Variants in ATP11A observed in about 807,000 individuals in gnomAD.
ATP11A encodes the protein ATPase phospholipid transporting 11A, also known as phospholipid-transporting ATPase IH.
In ATP11A, 81 loss-of-function variants were observed where a neutral mutation model predicts 154.4. The ratio of observed to expected loss-of-function variants is 0.52; its 90% CI spans 0.44 to 0.63. ATP11A has a LOEUF of 0.63. Ranked by LOEUF, ATP11A falls within the 30% of genes least tolerant of loss-of-function variation. The pLI is 0.00. For synonymous variants in ATP11A, 623 were observed against 585.9 expected, an observed-to-expected ratio of 1.06 and a Z score of -0.91; for missense variants, 1,316 against 1,474.3, an observed-to-expected ratio of 0.89 and a Z score of 1.76.
intron 1 of ATP11A, among the ~76,000 whole-genome samples, chr13:112,758,822 T>A (rs1302335471): frequency 6.6e-6 from 1 of 152,232 alleles, no homozygotes; most frequent in Non-Finnish European, 1.5e-5. Context: ...CCTGCACAGT[T>A]ACATTATCTC....
chr13:112,814,384 G>A (rs1332907307), intron 5 of ATP11A, among the ~76,000 whole-genome samples: 7 of 151,670 alleles, frequency 4.6e-5, no homozygotes, highest in Admixed American at 1.3e-4. Context: ...TTTCTTTTGA[G>A]GACTGTACGT....
chr13:112,817,166 G>A (rs977664160), intron 6 of ATP11A, among the ~76,000 whole-genome samples: 3 of 152,200 alleles, frequency 2.0e-5, no homozygotes, highest in Admixed American at 6.5e-5. Flanking sequence ...TTTCTAAGGA[G>A]TTTATGAAAG....
intron 1 of ATP11A, among the ~76,000 whole-genome samples, chr13:112,711,020 C>T (rs978566674): frequency 1.6e-5 from 2 of 125,628 alleles, no homozygotes; most frequent in African/African-American, 2.8e-5. Flanking sequence ...CTCAAAGTGC[C>T]GGGGTCAGAG....
At position 112,818,131 on chromosome 13, in the gene ATP11A, G is replaced by A. The variant is rs562405752; in HGVS notation, c.571-1173G>A. Among the ~76,000 whole-genome samples, 6 of 151,790 alleles carry A rather than the reference G, an allele frequency of 4.0e-5. No individual in the cohort carries two copies. In the South Asian group the frequency reaches 6.3e-4, roughly 16 times the overall value. Reference sequence around the variant, plus strand: ...GTGACGGAACAGTGACCGTTTGTGCGCTTGGTGACACGGCGGTGACCGTGT... The same window carrying A: ...GTGACGGAACAGTGACCGTTTGTGCACTTGGTGACACGGCGGTGACCGTGT... On this transcript the variant is annotated intron_variant, in intron 6 of 29. Coordinates refer to ENST00000375645, the MANE Select transcript of ATP11A (RefSeq NM_015205.3).
At chr13:112,787,266 G>A (rs372552502) in intron 2 of ATP11A, among the ~76,000 whole-genome samples, 105 of 126,658 alleles carry the variant, frequency 8.3e-4, no homozygotes, top group East Asian at 7.5e-3. Context: ...GTCCTGATGC[G>A]TAGACTCCTG....
At chr13:112,848,359 T>A (rs1165628222) in intron 17 of ATP11A, among the ~76,000 whole-genome samples, 1 of 152,220 alleles carries the variant, frequency 6.6e-6, no homozygotes, top group Non-Finnish European at 1.5e-5. Context: ...TTAATTTCCT[T>A]TTCATATTGT....
chr13:112,816,592 C>A (rs1474225427), intron 6 of ATP11A, among the ~76,000 whole-genome samples: 1 of 152,132 alleles, frequency 6.6e-6, no homozygotes, highest in Non-Finnish European at 1.5e-5. Context: ...CTGAGCCCAG[C>A]ACGCTCTTGT....
At chr13:112,775,714 C>CA (rs2065808250) in intron 1 of ATP11A, among the ~76,000 whole-genome samples, 1 of 151,798 alleles carries the variant, frequency 6.6e-6, no homozygotes, top group South Asian at 2.1e-4. Flanking sequence ...TTCATAATGC[C>CA]CCCCCCGCCT....
chr13:112,859,961 C>T lies in ATP11A; in HGVS notation c.2728-326C>T, dbSNP rs1447865997. 1.3e-5 allele frequency among the ~76,000 whole-genome samples: 2 copies of T among 152,260 alleles called. No homozygotes were observed. Among genetic ancestry groups the T allele is most frequent in the African/African-American group, 4.8e-5 (2 of 41,548 alleles). ...CAGTGGTTGGCGGGCCAGCTGCCTT[C>T]ATGGGAAGTGACTGCGACCAGAGTC... On this transcript the variant is annotated intron_variant, in intron 23 of 29. Coordinates refer to ENST00000375645, the MANE Select transcript of ATP11A (RefSeq NM_015205.3). This position sits in a 1 kb window ranked among gnomAD's most constrained non-coding sequence, Gnocchi z 4.3.
intron 1 of ATP11A, among the ~76,000 whole-genome samples, chr13:112,770,290 G>A (rs2077195361): frequency 1.3e-5 from 2 of 152,314 alleles, no homozygotes; most frequent in African/African-American, 4.8e-5. Context: ...AGATCAAAGG[G>A]ATGTCCCTGT....
chr13:112,830,345 T>G (rs2079052343), intron 12 of ATP11A, among the ~76,000 whole-genome samples: 1 of 152,006 alleles, frequency 6.6e-6, no homozygotes, highest in Non-Finnish European at 1.5e-5. Context: ...GAGGCTGAGG[T>G]GGGTGGATCG....
At position 112,805,048 on chromosome 13, in the gene ATP11A, T is replaced by C; in HGVS notation, c.252+2T>C. 6.3e-7 allele frequency: 1 copy of C among 1,598,582 alleles called. No individual in the cohort carries two copies. Among genetic ancestry groups the C allele is most frequent in the Non-Finnish European group, 8.5e-7 (1 of 1,171,630 alleles). On this transcript the variant is annotated splice_donor_variant, in intron 3 of 29. Transcript: ENST00000375645. LOFTEE classifies it high-confidence loss of function. ...TTCCTTATCATATTTCTGGTGCAGG[T>C]AAGGCCGGTCATTGTTTTCCATCTC...
At chr13:112,819,978 A>G (rs2140200067) in intron 8 of ATP11A, 28 bp downstream of exon 8, 3 of 1,562,362 alleles carry the variant, frequency 1.9e-6, no homozygotes, top group Non-Finnish European at 2.6e-6. Context: ...TGCCTTGGCC[A>G]CGGTCACCTC....
At chr13:112,815,824 C>T (rs2078630352) in intron 5 of ATP11A, among the ~76,000 whole-genome samples, 1 of 152,168 alleles carries the variant, frequency 6.6e-6, no homozygotes, top group South Asian at 2.1e-4. Context: ...TCCAACTCGT[C>T]GTCTTGGTCT....
At chr13:112,805,672 CAAAAAAA>C (rs1220102979) in intron 3 of ATP11A, among the ~76,000 whole-genome samples, 1 of 83,074 alleles carries the variant, frequency 1.2e-5, no homozygotes, top group African/African-American at 4.9e-5. Flanking sequence ...GAGACTGTCT[CAAAAAAA>C]AAAAAAAAAA....
chr13:112,718,205 C>A (rs540579419), intron 1 of ATP11A, among the ~76,000 whole-genome samples: 13 of 151,898 alleles, frequency 8.6e-5, no homozygotes, highest in Non-Finnish European at 1.9e-4. Flanking sequence ...TTTGCTTTTC[C>A]GTAAAGAACA....
chr13:112,698,563 C>T (rs1886149339), intron 1 of ATP11A, among the ~76,000 whole-genome samples: 1 of 152,140 alleles, frequency 6.6e-6, no homozygotes, highest in Non-Finnish European at 1.5e-5. Context: ...GTGGCTCACT[C>T]ATGCAGGGAT....
chr13:112,749,166 A>G (rs80178712), intron 1 of ATP11A, among the ~76,000 whole-genome samples: 3 of 152,286 alleles, frequency 2.0e-5, no homozygotes, highest in African/African-American at 7.2e-5. Flanking sequence ...TGGGCCATGG[A>G]TGCGCCTCCA....
chr13:112,823,809 C>T (rs988703032), intron 9 of ATP11A, among the ~76,000 whole-genome samples: 3 of 152,194 alleles, frequency 2.0e-5, no homozygotes, highest in African/African-American at 7.2e-5. Flanking sequence ...TCAGAAAATG[C>T]TGTGCAGGTG....
Sources: allele counts gnomAD v4.1 joint callset (sites outside exome capture counted in the v4.1 genomes callset), GRCh38; gene constraint gnomAD v4.1.1; non-coding constraint Gnocchi (gnomAD v3.1); transcripts MANE v1.5; gene names NCBI Gene and HGNC (gene_info 2026-07-23, HGNC 2026-07-21).